UNC5D: variants seen among roughly 807,000 people sequenced by gnomAD.
UNC5D encodes the protein netrin receptor UNC5D.
A neutral mutation model predicts 105.4 loss-of-function variants in UNC5D; 39 were observed. The observed-to-expected ratio is 0.37, with a 90% CI of 0.29 to 0.48. The LOEUF (loss-of-function observed/expected upper bound fraction) is 0.48, where lower values mean the gene tolerates loss of function less well. UNC5D is among the 20% of genes least tolerant of loss of function. UNC5D has a pLI of 0.98. For missense variants in UNC5D, 991 were observed against 1,202.4 expected (o/e 0.82, Z 2.60); for synonymous variants, 452 against 450.4 (o/e 1.00, Z -0.04).
At chr8:35,764,834 T>C (rs1801694387) in intron 14 of UNC5D, among the ~76,000 whole-genome samples, 2 of 152,230 alleles carry the variant, frequency 1.3e-5, no homozygotes, top group South Asian at 4.1e-4. Context: ...AACTCAGTAG[T>C]AGCCCCTTTC....
chr8:35,686,516 A>T (rs746178296), intron 6 of UNC5D, 29 bp from the exon 7 acceptor site: 1 of 1,535,988 alleles, frequency 6.5e-7, no homozygotes, highest in Non-Finnish European at 8.7e-7. Context: ...ATTCATTCTA[A>T]CAATGGTTTC....
At chr8:35,266,352 A>G (rs1357639765) in intron 1 of UNC5D, among the ~76,000 whole-genome samples, 2 of 152,328 alleles carry the variant, frequency 1.3e-5, no homozygotes, top group Admixed American at 6.5e-5. Context: ...CTGTTGGACC[A>G]TATATAGTAA....
intron 1 of UNC5D, among the ~76,000 whole-genome samples, chr8:35,237,343 C>T (rs557283856): frequency 1.3e-5 from 2 of 152,106 alleles, no homozygotes; most frequent in South Asian, 2.1e-4. Flanking sequence ...TTACTACGTA[C>T]GGCAAATGTC....
chr8:35,296,306 C>T (rs767733716), intron 1 of UNC5D, among the ~76,000 whole-genome samples: 18 of 152,166 alleles, frequency 1.2e-4, no homozygotes, highest in South Asian at 4.1e-4. Context: ...TTCTCTCCAT[C>T]CTTTGACAAC....
intron 1 of UNC5D, among the ~76,000 whole-genome samples, chr8:35,380,088 G>T (rs1302742112): frequency 7.3e-4 from 2 of 2,738 alleles, no homozygotes; most frequent in Non-Finnish European, 1.8e-3. Context: ...AATTGGGGGT[G>T]GGGGGGGGGT....
At chr8:35,519,811 GA>G (rs1195254744) in intron 1 of UNC5D, among the ~76,000 whole-genome samples, 2 of 150,882 alleles carry the variant, frequency 1.3e-5, no homozygotes, top group South Asian at 2.1e-4. Flanking sequence ...AAGAAACATG[GA>G]AAAAAAAAGT....
At chr8:35,336,656 G>C (rs892650224) in intron 1 of UNC5D, among the ~76,000 whole-genome samples, 1 of 152,130 alleles carries the variant, frequency 6.6e-6, no homozygotes, top group Non-Finnish European at 1.5e-5. Context: ...AAGTCTGCTT[G>C]AAAGTAGCCT....
At chr8:35,268,841 A>G (rs953784051) in intron 1 of UNC5D, among the ~76,000 whole-genome samples, 35 of 152,148 alleles carry the variant, frequency 2.3e-4, no homozygotes, top group African/African-American at 6.8e-4. Context: ...CAGGGTCCCT[A>G]CATAGATAAG....
At chr8:35,324,374 A>G (rs948067771) in intron 1 of UNC5D, among the ~76,000 whole-genome samples, 3 of 152,096 alleles carry the variant, frequency 2.0e-5, no homozygotes, top group Admixed American at 6.6e-5. Context: ...AGGAGAAGTA[A>G]TAAAAATCCT....
At chr8:35,762,277 G>A (rs959025933) in intron 14 of UNC5D, among the ~76,000 whole-genome samples, 3 of 152,132 alleles carry the variant, frequency 2.0e-5, no homozygotes, top group Non-Finnish European at 2.9e-5. Context: ...TGAGTTCAAG[G>A]TTGGGCCCTG....
At chr8:35,357,740 T>C (rs1306033970) in intron 1 of UNC5D, among the ~76,000 whole-genome samples, 1 of 152,142 alleles carries the variant, frequency 6.6e-6, no homozygotes, top group Non-Finnish European at 1.5e-5. Flanking sequence ...AAGAATCAGT[T>C]GTGGGAATAA....
chr8:35,697,437 G>A (rs892058163), intron 7 of UNC5D, among the ~76,000 whole-genome samples: 6 of 151,810 alleles, frequency 4.0e-5, no homozygotes, highest in Non-Finnish European at 5.9e-5. Context: ...GTTACGTAAG[G>A]TGACTTGGGC....
intron 1 of UNC5D, among the ~76,000 whole-genome samples, chr8:35,381,135 A>C (rs185664906): frequency 9.7e-4 from 148 of 152,274 alleles, no homozygotes; most frequent in African/African-American, 3.4e-3. Flanking sequence ...TATATAAGGC[A>C]GTCAAATTGG....
At chr8:35,607,585 G>C (rs1820381477) in intron 4 of UNC5D, among the ~76,000 whole-genome samples, 1 of 152,156 alleles carries the variant, frequency 6.6e-6, no homozygotes, top group Non-Finnish European at 1.5e-5. Context: ...CAGAGACCAG[G>C]TGGAGATCAT....
rs11317897 is a variant in UNC5D, at chr8:35,510,310, CAAAAAAAAAAAA to C, written c.104-38971_104-38960del. 2.8e-4 allele frequency among the ~76,000 whole-genome samples: 20 copies of C among 71,880 alleles called. No homozygotes were observed. The East Asian group carries it at 7.5e-3, about 27-fold the overall frequency. 47.2% of individuals were successfully genotyped at this position (71,880 alleles called of 152,430 possible). On this transcript the variant is annotated intron_variant, in intron 1 of 16. Transcript: ENST00000404895. ...AGTTACCAGTCATCTTTTTTATATCCAAAAAAAAAAAAAAAAAAAAAACACTTTGGAGATTCC... is the reference window on the plus strand; with the variant it reads ...AGTTACCAGTCATCTTTTTTATATCCAAAAAAAAAACACTTTGGAGATTCC...
rs114195974 is a variant in UNC5D, at chr8:35,514,949, A to G, written c.104-34343A>G. 1.0e-2 allele frequency among the ~76,000 whole-genome samples: 1,520 copies of G among 152,252 alleles called. 31 individuals are homozygous for G. Among genetic ancestry groups the G allele is most frequent in the African/African-American group, 0.034 (1,422 of 41,544 alleles). On this transcript the variant is annotated intron_variant, in intron 1 of 16. Transcript: ENST00000404895. ...ATTATGTTGCCGGCTCTGAAAGTTT[A>G]TACTGTGGATCCTTTGAAAGTGAAA...
chr8:35,407,347 A>T (rs1242246313), intron 1 of UNC5D, among the ~76,000 whole-genome samples: 1 of 147,018 alleles, frequency 6.8e-6, no homozygotes, highest in South Asian at 2.2e-4. Context: ...TAGTATAAGT[A>T]AAAAAAAAAC....
At chr8:35,745,499 C>T (rs1829955746) in intron 11 of UNC5D, among the ~76,000 whole-genome samples, 1 of 152,176 alleles carries the variant, frequency 6.6e-6, no homozygotes, top group Admixed American at 6.5e-5. Context: ...CCACCATGCA[C>T]ATGCCTAAGG....
chr8:35,243,365 G>A (rs1802909224), intron 1 of UNC5D, among the ~76,000 whole-genome samples: 2 of 152,152 alleles, frequency 1.3e-5, no homozygotes, highest in African/African-American at 4.8e-5. Context: ...TATAAAGAAA[G>A]ATGCTGCTCC....
Sources: allele counts gnomAD v4.1 joint callset (sites outside exome capture counted in the v4.1 genomes callset), GRCh38; gene constraint gnomAD v4.1.1; transcripts MANE v1.5; gene names NCBI Gene and HGNC (gene_info 2026-07-23, HGNC 2026-07-21).